MICAL3: variants seen among roughly 807,000 people sequenced by gnomAD.
MICAL3 encodes the protein microtubule associated monooxygenase, calponin and LIM domain containing 3.
MICAL3 carries 62 observed loss-of-function variants against 207.4 expected under a neutral mutation model. The ratio of observed to expected loss-of-function variants is 0.30; its 90% confidence interval spans 0.24 to 0.37. The LOEUF (loss-of-function observed/expected upper bound fraction) is 0.37. Among genes scored for constraint, MICAL3 ranks in the 10% least tolerant of loss-of-function variants. MICAL3 has a pLI of 1.00. For missense variants in MICAL3, 2,368 were observed against 2,635.6 expected (o/e 0.90, Z 2.22); for synonymous variants, 1,077 against 1,069.3 (o/e 1.01, Z -0.14).
rs897356512 is a variant in MICAL3 at position 17,802,821 on chromosome 22, G to A, written c.5650+6023C>T. Among the ~76,000 whole-genome samples, 3 of 152,114 alleles carry A rather than the reference G, an allele frequency of 2.0e-5. No homozygotes were observed. In the East Asian group the frequency reaches 5.8e-4, roughly 29 times the overall value. On this transcript the variant is annotated intron_variant, in intron 29 of 31. Coordinates refer to ENST00000441493, the MANE Select transcript of MICAL3 (RefSeq NM_015241.3). Reference sequence around the variant, plus strand: ...GAGCCTCCACGGGGAGATGAAGGGGGTAGACTGCCAGATCAAGGACACACG... The same window carrying A: ...GAGCCTCCACGGGGAGATGAAGGGGATAGACTGCCAGATCAAGGACACACG...
At chr22:18,001,708 C>A (rs2146490721) in intron 1 of MICAL3, among the ~76,000 whole-genome samples, 1 of 152,374 alleles carries the variant, frequency 6.6e-6, no homozygotes, top group East Asian at 1.9e-4. Context: ...AAGAAATAAG[C>A]TGTCGCCACG....
At chr22:17,826,612 AAAGT>A in intron 22 of MICAL3, 1 of 620,254 alleles carries the variant, frequency 1.6e-6, no homozygotes, top group Non-Finnish European at 2.0e-6. Context: ...AAAGAGAAAG[AAAGT>A]GAGAAGGCAT....
At chr22:18,000,845 A>G (rs1922891184) in intron 1 of MICAL3, among the ~76,000 whole-genome samples, 1 of 152,270 alleles carries the variant, frequency 6.6e-6, no homozygotes, top group African/African-American at 2.4e-5. Context: ...CGCTAGCTCC[A>G]GGCCGGGGCA....
In MICAL3 at chr22:17,816,680, GA is replaced by G. The variant is rs1167981099; in HGVS notation, c.5445+9del. Reference sequence around the variant, plus strand: ...CCAGGCCCTGTGAAGCCCCCTGCCTGACTACCCACCTCTCGCCGGGACTTCT... The same window carrying G: ...CCAGGCCCTGTGAAGCCCCCTGCCTGCTACCCACCTCTCGCCGGGACTTCT... On this transcript the variant is annotated intron_variant, in intron 27 of 31. Coordinates refer to ENST00000441493, the MANE Select transcript of MICAL3 (RefSeq NM_015241.3). 2 of 1,549,522 alleles carry G rather than the reference GA, an allele frequency of 1.3e-6. No individual in the cohort carries two copies. The highest frequency in any genetic ancestry group is 1.7e-6 in the Non-Finnish European group (2 of 1,145,264).
At position 17,831,766 on chromosome 22, in the gene MICAL3, G is replaced by A. The variant is rs530903056; in HGVS notation, c.3055+88C>T. The A allele has an allele frequency of 1.6e-4, 241 of 1,493,638 alleles. 1 individual carries two copies. In the East Asian group the frequency reaches 4.4e-3, roughly 28 times the overall value. The allele number at this position is 1,493,638 out of a possible 1,614,324, so 92.5% of individuals were successfully genotyped here. On this transcript the variant is annotated intron_variant, in intron 21 of 31. Coordinates refer to ENST00000441493, the MANE Select transcript of MICAL3 (RefSeq NM_015241.3). ...TGTGCAGGAGGCACGTCCGTGTGAC[G>A]TCAGCCCCAGAAACCTCTTACACTC...
chr22:17,886,675 C>T (rs1569116058), intron 15 of MICAL3, among the ~76,000 whole-genome samples: 1 of 152,008 alleles, frequency 6.6e-6, no homozygotes, highest in Non-Finnish European at 1.5e-5. Context: ...CATGGTGATG[C>T]ACACCTGTAA....
At chr22:17,946,718 GT>G (rs1934085643) in intron 1 of MICAL3, among the ~76,000 whole-genome samples, 1 of 152,224 alleles carries the variant, frequency 6.6e-6, no homozygotes, top group Non-Finnish European at 1.5e-5. Context: ...CTAATGTGAT[GT>G]TTAAGTGAGG....
intron 19 of MICAL3, among the ~76,000 whole-genome samples, chr22:17,849,644 ATGTGTGTGTGTGTGTGTGTGTGTGTG>A (rs149239378): frequency 1.3e-5 from 1 of 79,446 alleles, no homozygotes; most frequent in Admixed American, 1.7e-4. Flanking sequence ...CCAGAATGGA[ATGTGTGTGTGTGTGTGTGTGTGTGTG>A]TGTGTGTGTG....
At chr22:17,979,787 A>C (rs76491675) in intron 1 of MICAL3, among the ~76,000 whole-genome samples, 59 of 122,262 alleles carry the variant, frequency 4.8e-4, no homozygotes, top group Non-Finnish European at 6.4e-4. Context: ...AAAAAAACAA[A>C]AAAAAACAAA....
At chr22:17,893,931 G>A in intron 10 of MICAL3, 27 bp from the exon 11 acceptor site, 1 of 1,495,078 alleles carries the variant, frequency 6.7e-7, no homozygotes, top group South Asian at 1.2e-5. Flanking sequence ...AAGTCAAACA[G>A]AAAGAAAATC....
chr22:17,845,325 C>T (rs1048216264), intron 19 of MICAL3, among the ~76,000 whole-genome samples: 1 of 152,156 alleles, frequency 6.6e-6, no homozygotes, highest in Admixed American at 6.6e-5. Flanking sequence ...GTCTGTTTGA[C>T]GTGGGTAACG....
At chr22:17,870,313 A>G (rs1264089444) in intron 17 of MICAL3, among the ~76,000 whole-genome samples, 2 of 152,060 alleles carry the variant, frequency 1.3e-5, no homozygotes, top group Admixed American at 6.5e-5. Context: ...TCATCCCAAG[A>G]TGCTCTTGAA....
chr22:17,877,457 T>G (rs868535421), intron 16 of MICAL3, among the ~76,000 whole-genome samples: 44 of 70,008 alleles, frequency 6.3e-4, no homozygotes, highest in African/African-American at 8.6e-4. Context: ...TTATGGAGGT[T>G]AGGGAGATTA....
intron 19 of MICAL3, among the ~76,000 whole-genome samples, chr22:17,847,982 G>C (rs1477798028): frequency 6.6e-6 from 1 of 152,070 alleles, no homozygotes; most frequent in East Asian, 1.9e-4. Flanking sequence ...CGTCATTTCA[G>C]CTACCTTCCC....
In MICAL3 at chr22:17,817,940, G is replaced by A. The variant is rs560519874; in HGVS notation, c.4721C>T (p.Thr1574Met). Residue 1574 changes from threonine to methionine, a missense_variant, in exon 26 of 32, where the codon ACG becomes ATG. Thr to Met is a moderately conservative substitution (Grantham distance 81). Around this residue, in one of 4 missense-constraint regions of MICAL3, gnomAD observed 1,770 missense variants for 1,863.2 expected, o/e 0.95. Coordinates refer to ENST00000441493, the MANE Select transcript of MICAL3 (RefSeq NM_015241.3). Reference protein sequence around the residue: ...ENGRLPALEGTLQPQKRGLPL... With the variant: ...ENGRLPALEGMLQPQKRGLPL... ...CAGCCCCCTCTTCTGTGGCTGCAGC[G>A]TCCCCTCCAGAGCAGGCAGCCTCCC... 66 of 1,612,394 alleles carry A rather than the reference G, an allele frequency of 4.1e-5. No homozygotes were observed. Among genetic ancestry groups the A allele is most frequent in the South Asian group, 3.6e-4 (33 of 91,072 alleles).
intron 1 of MICAL3, among the ~76,000 whole-genome samples, chr22:17,972,247 T>C (rs749013962): frequency 3.9e-5 from 6 of 152,146 alleles, no homozygotes; most frequent in Non-Finnish European, 8.8e-5. Flanking sequence ...AAAAAAATCT[T>C]GAGACAAGAA....
intron 1 of MICAL3, among the ~76,000 whole-genome samples, chr22:17,976,488 A>G (rs1208694605): frequency 2.0e-5 from 3 of 150,100 alleles, no homozygotes; most frequent in African/African-American, 7.4e-5. Context: ...TTTATTTTAA[A>G]TCAGTGGCAT....
chr22:17,864,860 A>T, intron 19 of MICAL3, 39 bp downstream of exon 19: 1 of 1,613,742 alleles, frequency 6.2e-7, no homozygotes, highest in Non-Finnish European at 8.5e-7. Flanking sequence ...AGGCCGAGGG[A>T]GTGACGCGCC....
intron 16 of MICAL3, chr22:17,881,452 T>G: frequency 1.6e-6 from 1 of 640,930 alleles, no homozygotes; most frequent in Non-Finnish European, 2.7e-6. Context: ...AGCCCAGTGG[T>G]CTCCCGTGGG....
Sources: allele counts gnomAD v4.1 joint callset (sites outside exome capture counted in the v4.1 genomes callset), GRCh38; gene constraint gnomAD v4.1.1; regional missense constraint gnomAD v4.1.1; transcripts MANE v1.5; gene names NCBI Gene and HGNC (gene_info 2026-07-23, HGNC 2026-07-21).